The following DENND2B variants were observed in gnomAD, a reference collection of about 807,000 sequenced individuals.
DENND2B encodes DENN domain-containing protein 2B.
Under a neutral mutation model 116.0 loss-of-function variants are expected in DENND2B, and 32 were observed. The ratio of observed to expected loss-of-function variants is 0.28; its 90% CI spans 0.21 to 0.37. The LOEUF (loss-of-function observed/expected upper bound fraction) is 0.37, where lower values mean the gene tolerates loss of function less well. Among genes scored for constraint, DENND2B ranks in the 10% least tolerant of loss-of-function variants. DENND2B has a pLI of 1.00. For missense variants in DENND2B, 1,276 were observed against 1,477.7 expected, an observed-to-expected ratio of 0.86 and a Z score of 2.24; for synonymous variants, 588 against 583.9, an observed-to-expected ratio of 1.01 and a Z score of -0.10.
intron 1 of DENND2B, among the ~76,000 whole-genome samples, chr11:8,801,431 C>T (rs1451052230): frequency 6.6e-6 from 1 of 152,138 alleles, no homozygotes; most frequent in Non-Finnish European, 1.5e-5. Context: ...AATCCTAGCA[C>T]TTTGGGAGGC....
At chr11:8,785,544 A>G (rs2058823636) in intron 1 of DENND2B, 1 of 152,248 alleles carries the variant, frequency 6.6e-6, no homozygotes, top group Non-Finnish European at 1.5e-5. Flanking sequence ...TGGTCACTAT[A>G]ATCCCATGAT....
chr11:8,754,029 G>GCGCGCGCGCGCACACA (rs146486674), intron 1 of DENND2B, among the ~76,000 whole-genome samples: 11 of 138,830 alleles, frequency 7.9e-5, no homozygotes, highest in African/African-American at 3.0e-4. Context: ...CCAAAAGCGC[G>GCGCGCGCGCGCACACA]CACACACACA....
intron 1 of DENND2B, among the ~76,000 whole-genome samples, chr11:8,910,444 A>G (rs534655788): frequency 2.0e-5 from 3 of 151,894 alleles, no homozygotes; most frequent in African/African-American, 4.8e-5. Flanking sequence ...CCCAGGCTGG[A>G]GTGCAGTGGC....
intron 2 of DENND2B, among the ~76,000 whole-genome samples, chr11:8,880,333 T>G (rs1204538302): frequency 7.4e-6 from 1 of 135,624 alleles, no homozygotes; most frequent in Non-Finnish European, 1.6e-5. Context: ...CACTGGAAGC[T>G]GTCACTTTGA....
chr11:8,699,198 C>A lies in DENND2B; in HGVS notation c.2898+15G>T, dbSNP rs758001859. 2.6e-6 allele frequency: 4 copies of A among 1,543,340 alleles called. No individual in the cohort carries two copies. The highest frequency in any genetic ancestry group is 3.5e-6 in the Non-Finnish European group (4 of 1,150,542). ...CCTCCACCCTTCCCCCCAGCTGGTT[C>A]CCCCGGTGGCCCACCTCCTCCACAG... On this transcript the variant is annotated intron_variant, in intron 15 of 19. Transcript: ENST00000313726.
In DENND2B at chr11:8,707,661, T is replaced by A. The variant is rs1162483066; in HGVS notation, c.2430+116A>T. The A allele has an allele frequency of 1.0e-6, 1 of 994,300 alleles. No individual in the cohort carries two copies. The highest frequency in any genetic ancestry group is 1.6e-5 in the African/African-American group (1 of 61,852). The allele number at this position is 994,300 out of a possible 1,614,324, so 61.6% of individuals were successfully genotyped here. ...AGCTCACTGGTACTTGTTCCTGCATTCTGTCTCCCGCTCGCTCACAGTCAC... is the reference window on the plus strand; with the variant it reads ...AGCTCACTGGTACTTGTTCCTGCATACTGTCTCCCGCTCGCTCACAGTCAC... On this transcript the variant is annotated intron_variant, in intron 12 of 19. Coordinates refer to ENST00000313726, the MANE Select transcript of DENND2B (RefSeq NM_213618.2). The surrounding 1 kb of genome is among the most constrained non-coding windows in gnomAD (Gnocchi z 4.8).
chr11:8,702,038 C>G lies in DENND2B; in HGVS notation c.2720+534G>C, dbSNP rs746812076. 6.6e-6 allele frequency among the ~76,000 whole-genome samples: 1 copy of G among 152,144 alleles called. No individual in the cohort carries two copies. Among genetic ancestry groups the G allele is most frequent in the Non-Finnish European group, 1.5e-5 (1 of 68,030 alleles). On this transcript the variant is annotated intron_variant, in intron 14 of 19. Transcript: ENST00000313726. This position sits in a 1 kb window ranked among gnomAD's most constrained non-coding sequence, Gnocchi z 4.6. Reference sequence around the variant, plus strand: ...TCAGTGCCCCCATCACATCCTTCTCCCCAGCCCTCCCATTGCCCAGCCCTG... The same window carrying G: ...TCAGTGCCCCCATCACATCCTTCTCGCCAGCCCTCCCATTGCCCAGCCCTG...
chr11:8,868,800 T>C (rs2063672866), intron 2 of DENND2B, among the ~76,000 whole-genome samples: 1 of 152,208 alleles, frequency 6.6e-6, no homozygotes, highest in Non-Finnish European at 1.5e-5. Flanking sequence ...AGAAGCATAC[T>C]TTGCTTCAAG....
At position 8,697,552 on chromosome 11, in the gene DENND2B, G is replaced by A; in HGVS notation, c.3025C>T (p.Gln1009Ter). 2 of 1,614,058 alleles carry A rather than the reference G, an allele frequency of 1.2e-6. No homozygotes were observed. Among genetic ancestry groups the A allele is most frequent in the Non-Finnish European group, 1.7e-6 (2 of 1,179,884 alleles). ...TCGTCGGAGTCGCTGTCAGAGTCCT[G>A]GGAGATCAGCTCATTCTTCCTCTCC... The part of the protein sequence containing the change: ...ALERKNELIS[Q>*]DSDSDSDDEC... Residue 1009 changes from glutamine (Q) to a stop codon, truncating the protein, a stop_gained, in exon 17 of 20, where the codon CAG (glutamine) becomes TAG (stop). Coordinates refer to ENST00000313726, the MANE Select transcript of DENND2B (RefSeq NM_213618.2). LOFTEE classifies it high-confidence loss of function.
intron 1 of DENND2B, among the ~76,000 whole-genome samples, chr11:8,805,875 G>A (rs1346106618): frequency 2.0e-5 from 3 of 152,228 alleles, no homozygotes; most frequent in Non-Finnish European, 2.9e-5. Context: ...TGACTAAATG[G>A]GTGAACAGAC....
upstream of DENND2B, among the ~76,000 whole-genome samples, chr11:8,874,708 C>A (rs906994231): frequency 2.0e-5 from 3 of 151,642 alleles, no homozygotes; most frequent in Non-Finnish European, 2.9e-5. Flanking sequence ...ACCTCTTGAG[C>A]TCACGAGTTT....
chr11:8,836,413 C>CTTTTTTTTTTTTTTTTTTTTTTTTTTT, intron 4 of DENND2B, among the ~76,000 whole-genome samples: 1 of 77,550 alleles, frequency 1.3e-5, no homozygotes, highest in Non-Finnish European at 2.5e-5. Flanking sequence ...TTCTGTACTT[C>CTTTTTTTTTTTTTTTTTTTTTTTTTTT]TTTTTTTTTT....
intron 2 of DENND2B, among the ~76,000 whole-genome samples, chr11:8,867,519 G>T (rs926590860): frequency 6.8e-6 from 1 of 146,096 alleles, no homozygotes; most frequent in Non-Finnish European, 1.5e-5. Flanking sequence ...TCATAATTAA[G>T]AAAGGTAATC....
At chr11:8,749,156 G>A (rs2051862189) in intron 2 of DENND2B, among the ~76,000 whole-genome samples, 1 of 152,228 alleles carries the variant, frequency 6.6e-6, no homozygotes, top group Non-Finnish European at 1.5e-5. Context: ...AGGCTGACAA[G>A]AGCCCAACAA....
chr11:8,777,280 TA>T (rs1163491362), intron 1 of DENND2B, among the ~76,000 whole-genome samples: 1 of 151,984 alleles, frequency 6.6e-6, no homozygotes. Flanking sequence ...GCTACCTCGG[TA>T]AAAAAGAGAT....
intron 1 of DENND2B, among the ~76,000 whole-genome samples, chr11:8,796,766 G>T (rs562808905): frequency 6.6e-6 from 1 of 152,244 alleles, no homozygotes; most frequent in South Asian, 2.1e-4. Context: ...AGGGGGAATT[G>T]CAATCTAAGA....
intron 1 of DENND2B, chr11:8,774,099 G>A: frequency 6.1e-6 from 6 of 985,056 alleles, no homozygotes; most frequent in South Asian, 9.4e-5. Context: ...GATTGAGTAA[G>A]ATAGTGCATG....
chr11:8,868,453 G>A (rs1365501909), intron 2 of DENND2B, among the ~76,000 whole-genome samples: 2 of 152,120 alleles, frequency 1.3e-5, no homozygotes, highest in African/African-American at 2.4e-5. Flanking sequence ...ACCACAGTTC[G>A]GCTTCCACTG....
At chr11:8,845,528 C>T (rs974003471) in intron 3 of DENND2B, among the ~76,000 whole-genome samples, 1 of 152,212 alleles carries the variant, frequency 6.6e-6, no homozygotes, top group African/African-American at 2.4e-5. Context: ...TACTCACAGT[C>T]ATTCACTTTC....
Sources: allele counts gnomAD v4.1 joint callset (sites outside exome capture counted in the v4.1 genomes callset), GRCh38; gene constraint gnomAD v4.1.1; non-coding constraint Gnocchi (gnomAD v3.1); transcripts MANE v1.5; gene names NCBI Gene and HGNC (gene_info 2026-07-23, HGNC 2026-07-21).